RPN2: variants seen among roughly 807,000 people sequenced by gnomAD.
The protein encoded by RPN2 is dolichyl-diphosphooligosaccharide--protein glycosyltransferase subunit 2.
A neutral mutation model predicts 71.4 loss-of-function variants in RPN2; 29 were observed. The ratio of observed to expected loss-of-function variants is 0.41; its 90% confidence interval spans 0.30 to 0.55. RPN2 has a LOEUF of 0.55. Among genes scored for constraint, RPN2 ranks in the 20% least tolerant of loss-of-function variants. The probability of loss-of-function intolerance (pLI) is 0.35; values close to 1 mark genes in which losing one functional copy is unlikely to be tolerated. For missense variants in RPN2, 726 were observed against 774.1 expected, an observed-to-expected ratio of 0.94 and a Z score of 0.74; for synonymous variants, 308 against 305.0, an observed-to-expected ratio of 1.01 and a Z score of -0.10.
At chr20:37,197,796 C>A (rs2067286099) in intron 2 of RPN2, among the ~76,000 whole-genome samples, 2 of 151,974 alleles carry the variant, frequency 1.3e-5, no homozygotes, top group Non-Finnish European at 2.9e-5. Context: ...TGGGGTCTTA[C>A]CATGTTACCC....
intron 11 of RPN2, 133 bp from the exon 12 acceptor site, chr20:37,228,417 C>A (rs1311718429): frequency 6.1e-6 from 5 of 823,278 alleles, no homozygotes; most frequent in African/African-American, 1.7e-5. Context: ...CTCTCTGGGG[C>A]AGGTCTGGCA....
At chr20:37,195,297 T>G (rs1383847749) in intron 2 of RPN2, among the ~76,000 whole-genome samples, 2 of 152,214 alleles carry the variant, frequency 1.3e-5, no homozygotes, top group Non-Finnish European at 2.9e-5. Flanking sequence ...GTCAACATCT[T>G]GGGCTTTGAA....
rs201803454 is a variant in RPN2 at position 37,236,665 on chromosome 20, G to A, written c.1839G>A (p.Thr613=). The change falls in exon 16 of 17, where the codon ACG becomes ACA. Residue 613 remains threonine (T), a synonymous_variant. Transcript: ENST00000237530. ...LKYLAILGSV[T]FLAGNRMLAQ... ...ACCTGGCCATCCTGGGCAGTGTGACGTTTCTGGCTGGCAATCGGATGCTGG... is the reference window on the plus strand; with the variant it reads ...ACCTGGCCATCCTGGGCAGTGTGACATTTCTGGCTGGCAATCGGATGCTGG... The A allele has an allele frequency of 9.3e-6, 15 of 1,614,154 alleles. No homozygotes were observed. Among genetic ancestry groups the A allele is most frequent in the African/African-American group, 6.7e-5 (5 of 75,056 alleles).
Position 37,199,106 on chromosome 20 carries a change from A to G in RPN2, c.360A>G (p.Ser120=), listed in dbSNP as rs773397382. 1.3e-5 allele frequency: 21 copies of G among 1,613,904 alleles called. No individual in the cohort carries two copies. The highest frequency in any genetic ancestry group is 3.3e-5 in the Admixed American group (2 of 60,010). ...TTCTGGCAGCTGTCAGTGAGGACTC[A>G]TCTGTTACCCAGATCTACCATGCAG... ...DLLLAAVSED[S]SVTQIYHAVA... Residue 120 remains serine, a synonymous_variant, in exon 4 of 17, where the codon TCA becomes TCG. Coordinates refer to ENST00000237530, the MANE Select transcript of RPN2 (RefSeq NM_002951.5).
rs371041505 is a variant in RPN2, at chr20:37,223,866, A to G, written c.1093-12A>G. On this transcript the variant is annotated splice_polypyrimidine_tract_variant and intron_variant, in intron 9 of 16. Coordinates refer to ENST00000237530, the MANE Select transcript of RPN2 (RefSeq NM_002951.5). ...AATTGACCTGGCAACTGTCTTCTCT[A>G]TTTTCCTCTAGCTCAGAGTCAAGAT... is the stretch of plus-strand genomic sequence containing the variant. 47 of 1,611,988 alleles carry G rather than the reference A, an allele frequency of 2.9e-5. 1 individual carries two copies. The highest frequency in any genetic ancestry group is 2.0e-4 in the South Asian group (18 of 91,020).
intron 6 of RPN2, among the ~76,000 whole-genome samples, chr20:37,207,039 A>G (rs2067526399): frequency 6.6e-6 from 1 of 152,152 alleles, no homozygotes; most frequent in Admixed American, 6.5e-5. Context: ...TAAATAACTG[A>G]CAAATCATGA....
intron 1 of RPN2, chr20:37,179,651 G>T (rs1441614370): frequency 8.6e-6 from 5 of 583,982 alleles, no homozygotes; most frequent in Non-Finnish European, 1.3e-5. Flanking sequence ...CTTAGCCTAG[G>T]TCTGGCCTCA....
Position 37,198,395 on chromosome 20 carries a change from A to G in RPN2, c.208-2A>G. 6.2e-7 allele frequency: 1 copy of G among 1,614,238 alleles called. No individual in the cohort carries two copies. The highest frequency in any genetic ancestry group is 8.5e-7 in the Non-Finnish European group (1 of 1,180,034). ...TAACATTGACTTTTCCCCACTGTGT[A>G]GAAAGCATGTACCTACATCAGATCT... On this transcript the variant is annotated splice_acceptor_variant, in intron 2 of 16. Transcript: ENST00000237530. LOFTEE classifies it high-confidence loss of function.
intron 9 of RPN2, among the ~76,000 whole-genome samples, chr20:37,222,491 G>A (rs1268076137): frequency 2.0e-5 from 3 of 152,160 alleles, no homozygotes; most frequent in Non-Finnish European, 4.4e-5. Context: ...AAAGAAGGCC[G>A]TTAGAAGGAA....
At chr20:37,222,987 A>G (rs1315100054) in intron 9 of RPN2, among the ~76,000 whole-genome samples, 1 of 152,218 alleles carries the variant, frequency 6.6e-6, no homozygotes, top group Non-Finnish European at 1.5e-5. Context: ...GCTTAAAACA[A>G]TGAGGGTTTA....
At chr20:37,224,803 A>C (rs1010677215) in intron 10 of RPN2, among the ~76,000 whole-genome samples, 1 of 152,142 alleles carries the variant, frequency 6.6e-6, no homozygotes, top group Non-Finnish European at 1.5e-5. Context: ...TGAAGATGGG[A>C]TGTTAGCCAG....
intron 4 of RPN2, among the ~76,000 whole-genome samples, chr20:37,202,313 G>C (rs2146577434): frequency 6.6e-6 from 1 of 152,232 alleles, no homozygotes; most frequent in East Asian, 1.9e-4. Flanking sequence ...GAATACTCTG[G>C]GGCTTGTCTC....
At chr20:37,179,582 G>C (rs2066791979) in intron 1 of RPN2, 1 of 1,283,426 alleles carries the variant, frequency 7.8e-7, no homozygotes, top group East Asian at 2.8e-5. Flanking sequence ...GCCTGGGGGA[G>C]GGGTGCAGCG....
intron 16 of RPN2, 98 bp from the exon 17 acceptor site, chr20:37,241,205 C>T (rs931125569): frequency 1.1e-5 from 15 of 1,339,080 alleles, no homozygotes; most frequent in Middle Eastern, 1.8e-4. Context: ...GATCTTAGAG[C>T]GGGAGAGTAC....
intron 2 of RPN2, among the ~76,000 whole-genome samples, chr20:37,193,387 A>T (rs2067188927): frequency 6.6e-6 from 1 of 152,132 alleles, no homozygotes; most frequent in Non-Finnish European, 1.5e-5. Flanking sequence ...TGTGCGGAGG[A>T]TAGAGAGCAG....
At chr20:37,188,464 T>C (rs1363184020) in intron 2 of RPN2, among the ~76,000 whole-genome samples, 3 of 152,138 alleles carry the variant, frequency 2.0e-5, no homozygotes, top group Non-Finnish European at 4.4e-5. Flanking sequence ...ATTGTCGTAC[T>C]TTTTAACCTT....
intron 2 of RPN2, among the ~76,000 whole-genome samples, chr20:37,195,518 A>T (rs537720828): frequency 6.6e-6 from 1 of 152,340 alleles, no homozygotes; most frequent in East Asian, 1.9e-4. Context: ...CTTTGCCTTT[A>T]TAATGCCTCA....
At chr20:37,184,080 A>G (rs2066944256) in intron 1 of RPN2, 100 bp from the exon 2 acceptor site, 7 of 1,412,696 alleles carry the variant, frequency 5.0e-6, no homozygotes, top group East Asian at 2.3e-5. Flanking sequence ...GCCCTTCCCC[A>G]TGTGATTTGG....
intron 4 of RPN2, among the ~76,000 whole-genome samples, chr20:37,199,462 C>A (rs868810646): frequency 6.6e-6 from 1 of 152,224 alleles, no homozygotes; most frequent in East Asian, 1.9e-4. Context: ...AGAAGGCAAG[C>A]GCTGAGCCAG....
Sources: gnomAD v4.1 joint callset for allele counts (sites outside exome capture counted in the v4.1 genomes callset) on GRCh38, gnomAD v4.1.1 for gene constraint, MANE v1.5 for transcripts, NCBI Gene and HGNC (gene_info 2026-07-23, HGNC 2026-07-21) for gene names.